Variants in FBP2 observed in about 807,000 individuals in gnomAD.
FBP2 encodes the protein fructose-1,6-bisphosphatase isozyme 2.
FBP2 carries 27 observed loss-of-function variants against 31.6 expected under a neutral mutation model. The ratio of observed to expected loss-of-function variants is 0.85; its 90% confidence interval spans 0.63 to 1.18. The LOEUF is 1.18. Ranked by LOEUF, FBP2 falls within the 50% of genes most tolerant of loss-of-function variation. The pLI is 0.00. For missense variants in FBP2, 421 were observed against 436.1 expected (o/e 0.97, Z 0.31); for synonymous variants, 168 against 179.8 (o/e 0.93, Z 0.53).
chr9:94,567,252 C>A lies in FBP2; in HGVS notation c.705+18G>T, dbSNP rs1470070929. 14 of 1,613,924 alleles carry A rather than the reference C, an allele frequency of 8.7e-6. No individual in the cohort carries two copies. The highest frequency in any genetic ancestry group is 1.1e-5 in the Non-Finnish European group (13 of 1,179,970). ...GGACAGCATTCTGTCTGCCACCCAC[C>A]TGGCTTTCTTCACTCACCTCAGGGA... On this transcript the variant is annotated intron_variant, in intron 5 of 6. Transcript: ENST00000375337.
intron 3 of FBP2, among the ~76,000 whole-genome samples, chr9:94,582,533 A>ACCACTCTT (rs1256524393): frequency 6.9e-6 from 1 of 144,800 alleles, no homozygotes; most frequent in African/African-American, 2.6e-5. Context: ...GTCACATGCC[A>ACCACTCTT]CCACTCTTGG....
chr9:94,590,376 A>AT (rs1329946963), intron 1 of FBP2, among the ~76,000 whole-genome samples: 3 of 152,186 alleles, frequency 2.0e-5, no homozygotes, highest in Non-Finnish European at 1.5e-5. Context: ...GGAGACTCTC[A>AT]TAACTTTTAA....
At chr9:94,583,603 C>T (rs1053462168) in intron 3 of FBP2, among the ~76,000 whole-genome samples, 4 of 152,098 alleles carry the variant, frequency 2.6e-5, no homozygotes, top group African/African-American at 4.8e-5. Context: ...TCTTTGGTTG[C>T]TATGGATTGT....
chr9:94,587,627 G>A (rs971633055), intron 1 of FBP2, among the ~76,000 whole-genome samples, 158 bp from the exon 2 acceptor site: 2 of 151,720 alleles, frequency 1.3e-5, no homozygotes, highest in African/African-American at 2.4e-5. Context: ...TGCCTGGCAG[G>A]ATACCTCTCA....
chr9:94,565,115 T>G (rs1250656365), intron 5 of FBP2, among the ~76,000 whole-genome samples: 2 of 152,206 alleles, frequency 1.3e-5, no homozygotes, highest in Admixed American at 6.5e-5. Context: ...GGTTCACGCC[T>G]GTAATCCCAG....
Position 94,563,337 on chromosome 9 carries a change from A to G in FBP2, c.825+5T>C. The G allele has an allele frequency of 6.2e-7, 1 of 1,613,600 alleles. No individual in the cohort carries two copies. Among genetic ancestry groups the G allele is most frequent in the Non-Finnish European group, 8.5e-7 (1 of 1,179,730 alleles). On this transcript the variant is annotated splice_donor_5th_base_variant and intron_variant, in intron 6 of 6. Coordinates refer to ENST00000375337, the MANE Select transcript of FBP2 (RefSeq NM_003837.4). ...ATGCACAGCCAGTGGACAAGGGAGA[A>G]TTACCTTGCCCTTAGGGCTCTTCTG...
At chr9:94,577,510 T>C (rs1352033208) in intron 3 of FBP2, 1 of 152,204 alleles carries the variant, frequency 6.6e-6, no homozygotes, top group Non-Finnish European at 1.5e-5. Context: ...TACCTTCCTC[T>C]CTTTTCTGCC....
intron 6 of FBP2, among the ~76,000 whole-genome samples, chr9:94,560,181 C>T (rs781575849): frequency 4.0e-4 from 61 of 152,110 alleles, no homozygotes; most frequent in African/African-American, 1.4e-3. Flanking sequence ...GGGTCCCAGC[C>T]GAGGGCAGAA....
At chr9:94,567,166 C>T in intron 5 of FBP2, 104 bp downstream of exon 5, 2 of 1,162,424 alleles carry the variant, frequency 1.7e-6, no homozygotes, top group South Asian at 2.7e-5. Flanking sequence ...CAGCCATAAA[C>T]AGTGGCACCA....
intron 3 of FBP2, among the ~76,000 whole-genome samples, chr9:94,581,923 C>T (rs540338215): frequency 2.9e-5 from 4 of 137,324 alleles, no homozygotes; most frequent in South Asian, 2.3e-4. Flanking sequence ...CCTAAGGCCA[C>T]GCCAGGCAAG....
chr9:94,581,547 C>T (rs1827372486), intron 3 of FBP2, among the ~76,000 whole-genome samples: 1 of 152,124 alleles, frequency 6.6e-6, no homozygotes. Context: ...ACTCTAAGTC[C>T]CTGGGCCATA....
intron 1 of FBP2, among the ~76,000 whole-genome samples, chr9:94,590,250 T>C (rs931722663): frequency 6.6e-6 from 1 of 152,014 alleles, no homozygotes; most frequent in Non-Finnish European, 1.5e-5. Context: ...TAAAGCTAAC[T>C]AACAGTCTCT....
chr9:94,590,745 T>C (rs548415722), intron 1 of FBP2, among the ~76,000 whole-genome samples: 19 of 152,302 alleles, frequency 1.2e-4, no homozygotes, highest in South Asian at 1.0e-3. Flanking sequence ...CCGATGCTGG[T>C]TTAGGCAGCC....
intron 3 of FBP2, among the ~76,000 whole-genome samples, chr9:94,578,877 C>T (rs1028567221): frequency 1.3e-5 from 2 of 150,824 alleles, no homozygotes; most frequent in African/African-American, 4.9e-5. Context: ...CACGGTGAAA[C>T]CCAGTCTCTA....
intron 3 of FBP2, among the ~76,000 whole-genome samples, chr9:94,572,128 T>G (rs553168059): frequency 3.9e-5 from 6 of 152,292 alleles, no homozygotes; most frequent in African/African-American, 1.4e-4. Flanking sequence ...TCTCTGACTC[T>G]GTGGATGCTC....
At chr9:94,559,258 CACCTTGCAAGAGTGGGCCCGAGCTT>C in intron 6 of FBP2, 126 bp from the exon 7 acceptor site, 4 of 767,540 alleles carry the variant, frequency 5.2e-6, no homozygotes, top group Non-Finnish European at 8.3e-6. Flanking sequence ...GCGCACCATG[CACCTTGCAAGAGTGGGCCCGAGCTT>C]TAGAGCCTAC....
intron 1 of FBP2, 39 bp from the exon 2 acceptor site, chr9:94,587,508 G>C: frequency 6.2e-7 from 1 of 1,603,190 alleles, no homozygotes; most frequent in Non-Finnish European, 8.5e-7. Flanking sequence ...GTCACTAGGG[G>C]GTCTTAACTC....
At position 94,571,533 on chromosome 9, in the gene FBP2, C is replaced by T. The variant is rs201283011; in HGVS notation, c.496G>A (p.Ala166Thr). The T allele has an allele frequency of 5.6e-5, 91 of 1,614,094 alleles. No homozygotes were observed. The Admixed American group carries it at 1.5e-3, about 26-fold the overall frequency. The change falls in exon 4 of 7, where the codon GCG becomes ACG. Residue 166 changes from alanine to threonine, a missense_variant. Physicochemically the swap from Ala to Thr is moderately conservative, Grantham distance 58. Transcript: ENST00000375337. ...CGRNIVAAGYALYGSATLVAL... is the reference protein window; with the variant it reads ...CGRNIVAAGYTLYGSATLVAL... ...ACCAGGGTTGCACTACCGTACAGCG[C>T]ATAACCTGCGGCCACAATATTGCGG...
At chr9:94,593,104 C>G (rs1827519412) in intron 1 of FBP2, among the ~76,000 whole-genome samples, 1 of 152,190 alleles carries the variant, frequency 6.6e-6, no homozygotes, top group African/African-American at 2.4e-5. Flanking sequence ...GGAAGGGGCT[C>G]TACCAAGCTT....
Sources: allele counts gnomAD v4.1 joint callset (sites outside exome capture counted in the v4.1 genomes callset), GRCh38; gene constraint gnomAD v4.1.1; transcripts MANE v1.5; gene names NCBI Gene and HGNC (gene_info 2026-07-23, HGNC 2026-07-21).